The following METTL6 variants were observed in gnomAD, a reference collection of about 807,000 sequenced individuals.
METTL6 encodes the protein methyltransferase 6, tRNA N3-cytidine, also known as tRNA N(3)-cytidine methyltransferase METTL6.
Under a neutral mutation model 26.4 loss-of-function variants are expected in METTL6, and 22 were observed. That is an observed-to-expected ratio of 0.83 (90% CI 0.59 to 1.19). The LOEUF is 1.19. Among genes scored for constraint, METTL6 ranks in the 50% most tolerant of loss-of-function variants. The probability of loss-of-function intolerance (pLI) is 0.00; values close to 1 mark genes in which losing one functional copy is unlikely to be tolerated. For missense variants in METTL6, 304 were observed against 324.8 expected, an observed-to-expected ratio of 0.94 and a Z score of 0.49; for synonymous variants, 109 against 116.2, an observed-to-expected ratio of 0.94 and a Z score of 0.40.
At chr3:15,419,395 G>C (rs2061559807) in intron 3 of METTL6, among the ~76,000 whole-genome samples, 1 of 152,184 alleles carries the variant, frequency 6.6e-6, no homozygotes, top group Non-Finnish European at 1.5e-5. Context: ...TTTAACTCCA[G>C]TGCTTAGAAC....
chr3:15,423,955 C>T (rs1575439206), intron 3 of METTL6, among the ~76,000 whole-genome samples: 1 of 151,266 alleles, frequency 6.6e-6, no homozygotes, highest in Non-Finnish European at 1.5e-5. Context: ...ACCTGTAATC[C>T]CAGCATTTTG....
chr3:15,408,311 T>A (rs114241331), downstream of METTL6, among the ~76,000 whole-genome samples: 1 of 152,108 alleles, frequency 6.6e-6, no homozygotes, highest in African/African-American at 2.4e-5. Context: ...TAAATACTTA[T>A]GATTTGTGCA....
chr3:15,423,328 G>A (rs2125036420), intron 3 of METTL6, among the ~76,000 whole-genome samples: 1 of 152,326 alleles, frequency 6.6e-6, no homozygotes, highest in East Asian at 1.9e-4. Context: ...AGGAGGTGGA[G>A]GTTGCAGTAA....
chr3:15,398,289 G>A (rs547290425), intron 6 of METTL6, among the ~76,000 whole-genome samples: 28 of 152,044 alleles, frequency 1.8e-4, no homozygotes, highest in Non-Finnish European at 3.8e-4. Flanking sequence ...TGCCTCCTGG[G>A]TTCAAGTGAT....
At chr3:15,391,656 AC>A (rs372737682) in intron 6 of METTL6, among the ~76,000 whole-genome samples, 854 of 43,794 alleles carry the variant, frequency 0.02, 3 homozygotes, top group Non-Finnish European at 0.028. Context: ...CCCTCCCCCC[AC>A]CCCACAATAG....
rs372241692 is a variant in METTL6 at position 15,410,893 on chromosome 3, G to C, written c.*363C>G. On this transcript the variant is annotated 3_prime_UTR_variant, in exon 6 of 6. Transcript: ENST00000383790. ...TCAAAAAATATATAAAGTAAAAAGA[G>C]TGATTTTATTTATTTATGAAACAGG... 5.9e-6 allele frequency: 1 copy of C among 169,592 alleles called. No individual in the cohort carries two copies. The highest frequency in any genetic ancestry group is 1.5e-4 in the South Asian group (1 of 6,744). 10.5% of individuals were successfully genotyped at this position (169,592 alleles called of 1,614,324 possible). A position where few individuals can be genotyped will look rare whatever the true frequency, so the allele number is the denominator to read the frequency against.
exon 7 of METTL6, chr3:15,383,656 TCAAAA>T (rs1699123517): frequency 6.6e-6 from 1 of 152,250 alleles, no homozygotes; most frequent in Non-Finnish European, 1.5e-5. Flanking sequence ...TCTATTACTA[TCAAAA>T]CATCATATTT....
rs918558602 is a variant in METTL6, at chr3:15,423,684, G to A, written c.360+1271C>T. On this transcript the variant is annotated intron_variant, in intron 3 of 5. Coordinates refer to ENST00000383790, the MANE Select transcript of METTL6 (RefSeq NM_152396.4). ...GCCCAGAAGTTCGAGACCAGCCTGG[G>A]CAACGCAGTGAGACCTTATCTCTAA... Among the ~76,000 whole-genome samples, 16 of 152,204 alleles carry A rather than the reference G, an allele frequency of 1.1e-4. 1 individual carries two copies. Among genetic ancestry groups the A allele is most frequent in the African/African-American group, 3.9e-4 (16 of 41,520 alleles).
In METTL6 at chr3:15,415,908, A is replaced by G. The variant is rs1222434704; in HGVS notation, c.395T>C (p.Val132Ala). 2 of 1,613,274 alleles carry G rather than the reference A, an allele frequency of 1.2e-6. No homozygotes were observed. The highest frequency in any genetic ancestry group is 2.2e-5 in the South Asian group (2 of 90,868). The change falls in exon 4 of 6, where the codon GTA becomes GCA. Residue 132 changes from valine (V) to alanine (A), a missense_variant. Coordinates refer to ENST00000383790, the MANE Select transcript of METTL6 (RefSeq NM_152396.4). ...NPLYDTERCK[V>A]FQCDLTKDDL... ...ATCTTTAGTCAGATCACACTGGAAT[A>G]CCTTGCATCTTTCTGTATCATATAA... is the stretch of plus-strand genomic sequence containing the variant.
intron 6 of METTL6, among the ~76,000 whole-genome samples, chr3:15,397,137 T>C (rs990584479): frequency 5.3e-5 from 8 of 152,186 alleles, no homozygotes; most frequent in African/African-American, 1.9e-4. Context: ...TCCACCCAGT[T>C]TGAGCTTCCC....
chr3:15,398,878 G>A (rs1699562800), intron 6 of METTL6, among the ~76,000 whole-genome samples: 1 of 151,978 alleles, frequency 6.6e-6, no homozygotes, highest in Admixed American at 6.6e-5. Context: ...AGACCTACTG[G>A]GCTGCATTCC....
At chr3:15,408,007 A>T (rs886697755), downstream of METTL6, among the ~76,000 whole-genome samples, 1 of 152,184 alleles carries the variant, frequency 6.6e-6, no homozygotes, top group Non-Finnish European at 1.5e-5. Flanking sequence ...GACCTGCTGT[A>T]ATGCAGTTTG....
chr3:15,411,332 A>T lies in METTL6; in HGVS notation c.779T>A (p.Val260Asp). The T allele has an allele frequency of 6.2e-7, 1 of 1,613,782 alleles. No individual in the cohort carries two copies. The highest frequency in any genetic ancestry group is 8.5e-7 in the Non-Finnish European group (1 of 1,179,876). Residue 260 changes from valine to aspartate, a missense_variant, in exon 6 of 6, where the codon GTT becomes GAT. Val to Asp is a radical substitution (Grantham distance 152). Coordinates refer to ENST00000383790, the MANE Select transcript of METTL6 (RefSeq NM_152396.4). The part of the protein sequence containing the change: ...NKKEGLCVPR[V>D]FLQSKFLKPP... ...CTTTAGAAATTTGCTCTGAAGGAAA[A>T]CTCTTGGCACACACAGGCCTTCTTT... is the stretch of plus-strand genomic sequence containing the variant.
At chr3:15,424,120 T>C (rs2061668566) in intron 3 of METTL6, among the ~76,000 whole-genome samples, 1 of 146,834 alleles carries the variant, frequency 6.8e-6, no homozygotes, top group African/African-American at 2.5e-5. Flanking sequence ...GTTGAGGCTG[T>C]GGTGAGCCAT....
chr3:15,404,570 C>T (rs1247733861), intron 6 of METTL6, among the ~76,000 whole-genome samples: 3 of 149,164 alleles, frequency 2.0e-5, no homozygotes, highest in Admixed American at 6.7e-5. Flanking sequence ...AGGCTGGTCT[C>T]GAACTCCTGA....
downstream of METTL6, among the ~76,000 whole-genome samples, chr3:15,408,791 C>A (rs1699870374): frequency 1.3e-5 from 2 of 152,138 alleles, no homozygotes; most frequent in South Asian, 4.2e-4. Context: ...CACCCAGGAT[C>A]CCACTTTCCT....
exon 7 of METTL6, chr3:15,384,106 T>G: frequency 2.5e-6 from 1 of 406,170 alleles, no homozygotes; most frequent in South Asian, 1.7e-5. Flanking sequence ...TACTGGAAGA[T>G]TATTTTCTGT....
chr3:15,424,701 A>G (rs1030805566), intron 3 of METTL6, among the ~76,000 whole-genome samples: 5 of 152,264 alleles, frequency 3.3e-5, no homozygotes, highest in Non-Finnish European at 7.3e-5. Context: ...AAAATAGTTC[A>G]GCAAAGAAAA....
intron 6 of METTL6, among the ~76,000 whole-genome samples, chr3:15,390,166 G>A (rs9855103): frequency 6.6e-6 from 1 of 152,070 alleles, no homozygotes; most frequent in African/African-American, 2.4e-5. Flanking sequence ...AATGGGTCAC[G>A]CCTGTAATCC....
Sources: gnomAD v4.1 joint callset for allele counts (sites outside exome capture counted in the v4.1 genomes callset) on GRCh38, gnomAD v4.1.1 for gene constraint, MANE v1.5 for transcripts, NCBI Gene and HGNC (gene_info 2026-07-23, HGNC 2026-07-21) for gene names.